Variants in JARID2 observed in about 807,000 individuals in gnomAD.
JARID2 encodes jumonji and AT-rich interaction domain containing 2.
Under a neutral mutation model 125.6 loss-of-function variants are expected in JARID2, and 21 were observed. The observed-to-expected ratio is 0.17, with a 90% confidence interval of 0.12 to 0.24. The LOEUF is 0.24. Among genes scored for constraint, JARID2 ranks in the 10% least tolerant of loss-of-function variants. The probability of loss-of-function intolerance (pLI) is 1.00; values close to 1 mark genes in which losing one functional copy is unlikely to be tolerated. For missense variants in JARID2, 1,303 were observed against 1,639.6 expected, an observed-to-expected ratio of 0.79 and a Z score of 3.55; for synonymous variants, 736 against 661.6, an observed-to-expected ratio of 1.11 and a Z score of -1.73.
At chr6:15,362,023 G>A (rs1024528619) in intron 1 of JARID2, among the ~76,000 whole-genome samples, 1 of 151,146 alleles carries the variant, frequency 6.6e-6, no homozygotes, top group Non-Finnish European at 1.5e-5. Context: ...AGCCTCCAGA[G>A]TAGGTGGGAC....
intron 3 of JARID2, among the ~76,000 whole-genome samples, chr6:15,440,115 C>A (rs1444307138): frequency 6.6e-6 from 1 of 152,320 alleles, no homozygotes; most frequent in Admixed American, 6.5e-5. Context: ...TCTCGTCCGA[C>A]CCTTTGAGGG....
rs746391660 is a variant in JARID2 at position 15,496,579 on chromosome 6, A to G, written c.1354A>G (p.Lys452Glu). The change falls in exon 7 of 18, where the codon AAG becomes GAG. Residue 452 changes from lysine to glutamate, a missense_variant. By Grantham distance (56) the Lys-to-Glu change is moderately conservative. Transcript: ENST00000341776. The part of the protein sequence containing the change: ...RRLEEAHQAE[K>E]PQSPPKKMKG... The stretch of plus-strand genomic sequence containing the variant: ...ACTGGAAGAGGCACACCAGGCGGAG[A>G]AGCCGCAGTCGCCCCCCAAGAAGAT... 1 of 1,603,984 alleles carries G rather than the reference A, an allele frequency of 6.2e-7. No individual in the cohort carries two copies. Among genetic ancestry groups the G allele is most frequent in the South Asian group, 1.1e-5 (1 of 90,264 alleles).
Position 15,520,664 on chromosome 6 carries a change from TTTAGAAGGGA to T in JARID2, c.*415_*424del, listed in dbSNP as rs1771793536. ...AACCATCAGTCATGTGAGCAGATTT[TTTAGAAGGGA>T]TAGGAGACACACGCGCACACACACA... On this transcript the variant is annotated 3_prime_UTR_variant, in exon 18 of 18. Coordinates refer to ENST00000341776, the MANE Select transcript of JARID2 (RefSeq NM_004973.4). 17 of 312,594 alleles carry T rather than the reference TTTAGAAGGGA, an allele frequency of 5.4e-5. No homozygotes were observed. The highest frequency in any genetic ancestry group is 3.6e-4 in the South Asian group (16 of 43,994). 19.4% of individuals were successfully genotyped at this position (312,594 alleles called of 1,614,324 possible). A position where few individuals can be genotyped will look rare whatever the true frequency, so the allele number is the denominator to read the frequency against.
rs377162599 is a variant in JARID2, at chr6:15,513,373, C to T, written c.3401C>T (p.Thr1134Met). 13 of 1,613,038 alleles carry T rather than the reference C, an allele frequency of 8.1e-6. No homozygotes were observed. Among genetic ancestry groups the T allele is most frequent in the South Asian group, 1.1e-5 (1 of 90,832 alleles). ...KKPRKWLQLETSERRCQICQH... is the reference protein window; with the variant it reads ...KKPRKWLQLEMSERRCQICQH... ...CCTCGAAAGTGGCTGCAGTTGGAGACGTCAGAGAGGAGGTGTCAGATCTGC... is the reference window on the plus strand; with the variant it reads ...CCTCGAAAGTGGCTGCAGTTGGAGATGTCAGAGAGGAGGTGTCAGATCTGC... Residue 1134 changes from threonine to methionine, a missense_variant, in exon 16 of 18, where the codon ACG (threonine) becomes ATG (methionine). Coordinates refer to ENST00000341776, the MANE Select transcript of JARID2 (RefSeq NM_004973.4).
At position 15,285,106 on chromosome 6, in the gene JARID2, G is replaced by GTTTTTTTTTTTT. The variant is rs199945772; in HGVS notation, c.45+38532_45+38543dup. On this transcript the variant is annotated intron_variant, in intron 1 of 17. Coordinates refer to ENST00000341776, the MANE Select transcript of JARID2 (RefSeq NM_004973.4). ...TTTGCATTAATGTGAGTCTTTCTGG[G>GTTTTTTTTTTTT]TTTTTTTTTTTTTTTTTTTTTGAAA... Among the ~76,000 whole-genome samples the GTTTTTTTTTTTT allele has an allele frequency of 1.3e-4, 15 of 119,454 alleles. 2 individuals are homozygous for GTTTTTTTTTTTT. The highest frequency in any genetic ancestry group is 4.3e-4 in the African/African-American group (13 of 30,380). 78.4% of individuals were successfully genotyped at this position (119,454 alleles called of 152,430 possible). A position where few individuals can be genotyped will look rare whatever the true frequency, so the allele number is the denominator to read the frequency against.
intron 2 of JARID2, among the ~76,000 whole-genome samples, chr6:15,392,270 T>G (rs1194934243): frequency 6.6e-6 from 1 of 152,122 alleles, no homozygotes; most frequent in East Asian, 1.9e-4. Flanking sequence ...CAGTTTTTAG[T>G]TTTCTGAATA....
At chr6:15,392,680 CTT>C (rs35429221) in intron 2 of JARID2, among the ~76,000 whole-genome samples, 12,025 of 120,696 alleles carry the variant, frequency 0.1, 599 homozygotes, top group South Asian at 0.17. Flanking sequence ...GATTAAGAGA[CTT>C]TTTTTTTTTT....
chr6:15,323,931 C>G (rs898819940), intron 1 of JARID2, among the ~76,000 whole-genome samples: 16 of 151,720 alleles, frequency 1.1e-4, no homozygotes, highest in Non-Finnish European at 2.1e-4. Context: ...GCCTGTAATC[C>G]CAGCATTTTG....
At position 15,246,224 on chromosome 6, in the gene JARID2, G is replaced by A; in HGVS notation, c.-316G>A. ...ATGTAGTTTTTGGAGGAAAAAGGGGGGGGAGTGAAGGGCGTCGGTTTTTTT... is the reference window on the plus strand; with the variant it reads ...ATGTAGTTTTTGGAGGAAAAAGGGGAGGGAGTGAAGGGCGTCGGTTTTTTT... On this transcript the variant is annotated 5_prime_UTR_variant, in exon 1 of 18. Transcript: ENST00000341776. The A allele has an allele frequency of 2.1e-6, 1 of 471,010 alleles. No homozygotes were observed. Among genetic ancestry groups the A allele is most frequent in the Non-Finnish European group, 3.7e-6 (1 of 269,348 alleles). 29.2% of individuals were successfully genotyped at this position (471,010 alleles called of 1,614,324 possible).
At chr6:15,414,358 C>T (rs1012588709) in intron 3 of JARID2, among the ~76,000 whole-genome samples, 10 of 152,126 alleles carry the variant, frequency 6.6e-5, no homozygotes, top group African/African-American at 1.9e-4. Flanking sequence ...CAGAAAACCC[C>T]CTGAGTCAGA....
intron 7 of JARID2, among the ~76,000 whole-genome samples, chr6:15,499,215 T>G (rs1187496856): frequency 6.6e-6 from 1 of 152,138 alleles, no homozygotes; most frequent in African/African-American, 2.4e-5. Flanking sequence ...GGTAGAAACT[T>G]AATAACTTTG....
intron 7 of JARID2, among the ~76,000 whole-genome samples, chr6:15,497,784 G>A (rs1480690292): frequency 6.6e-6 from 1 of 152,194 alleles, no homozygotes; most frequent in Non-Finnish European, 1.5e-5. Flanking sequence ...GGGCCAGTGG[G>A]GAGCGCTGCC....
chr6:15,500,855 G>A, intron 7 of JARID2, 52 bp from the exon 8 acceptor site: 1 of 1,496,972 alleles, frequency 6.7e-7, no homozygotes, highest in Non-Finnish European at 9.1e-7. Flanking sequence ...GGAACATCTT[G>A]TTCGTGTCTC....
At chr6:15,416,076 C>T (rs1261972091) in intron 3 of JARID2, among the ~76,000 whole-genome samples, 1 of 151,938 alleles carries the variant, frequency 6.6e-6, no homozygotes, top group Non-Finnish European at 1.5e-5. Context: ...GCGCTCCCCA[C>T]ATCTCAGACG....
chr6:15,428,930 A>AACCC (rs1766847932), intron 3 of JARID2, among the ~76,000 whole-genome samples: 9 of 89,846 alleles, frequency 1.0e-4, no homozygotes, highest in Admixed American at 4.7e-4. Context: ...AAAAAAACAA[A>AACCC]CCCCCCCCCC....
intron 5 of JARID2, among the ~76,000 whole-genome samples, chr6:15,477,514 T>TG (rs1769404323): frequency 6.6e-6 from 1 of 151,142 alleles, no homozygotes; most frequent in Non-Finnish European, 1.5e-5. Flanking sequence ...GTTTTTTTTT[T>TG]TTTTTTTTTT....
intron 1 of JARID2, among the ~76,000 whole-genome samples, chr6:15,364,166 G>C (rs774947002): frequency 4.6e-5 from 7 of 150,768 alleles, no homozygotes; most frequent in Non-Finnish European, 8.9e-5. Flanking sequence ...GTCAGGCATT[G>C]ATTGATCTCA....
At chr6:15,343,227 CAAAAAA>C (rs11471181) in intron 1 of JARID2, among the ~76,000 whole-genome samples, 2 of 74,946 alleles carry the variant, frequency 2.7e-5, no homozygotes, top group Non-Finnish European at 5.1e-5. Context: ...GAAACTCCGT[CAAAAAA>C]AAAAAAAAAA....
intron 17 of JARID2, among the ~76,000 whole-genome samples, chr6:15,518,943 A>G (rs1172103740): frequency 1.3e-5 from 2 of 152,124 alleles, no homozygotes; most frequent in Non-Finnish European, 2.9e-5. Flanking sequence ...GGGTGCACCT[A>G]GATTGCAAAT....
Sources: allele counts gnomAD v4.1 joint callset (sites outside exome capture counted in the v4.1 genomes callset), GRCh38; gene constraint gnomAD v4.1.1; transcripts MANE v1.5; gene names NCBI Gene and HGNC (gene_info 2026-07-23, HGNC 2026-07-21).